Variants in PPP2R2C observed in about 807,000 individuals in gnomAD.
PPP2R2C encodes the protein protein phosphatase 2 regulatory subunit Bgamma.
Under a neutral mutation model 45.3 loss-of-function variants are expected in PPP2R2C, and 10 were observed. That is an observed-to-expected ratio of 0.22 (90% CI 0.14 to 0.37). The LOEUF is 0.37. PPP2R2C is among the 10% of genes least tolerant of loss of function. PPP2R2C has a pLI of 1.00. For missense variants in PPP2R2C, 308 were observed against 619.7 expected (o/e 0.50, Z 5.34); for synonymous variants, 257 against 245.4 (o/e 1.05, Z -0.44).
intron 1 of PPP2R2C, chr4:6,421,254 T>C (rs1038273449): frequency 1.0e-5 from 5 of 479,908 alleles, no homozygotes; most frequent in Non-Finnish European, 1.4e-5. Flanking sequence ...CATTCAATCA[T>C]GGTCGCACTG....
intron 1 of PPP2R2C, among the ~76,000 whole-genome samples, chr4:6,451,395 A>G (rs867242390): frequency 2.6e-5 from 4 of 152,316 alleles, no homozygotes; most frequent in East Asian, 1.9e-4. Context: ...ATGAGCCCCA[A>G]CAAAATCCAG....
intron 8 of PPP2R2C, among the ~76,000 whole-genome samples, chr4:6,325,460 C>T (rs1560439511): frequency 6.6e-6 from 1 of 152,180 alleles, no homozygotes; most frequent in Non-Finnish European, 1.5e-5. Context: ...GGAGGCCACA[C>T]CCTCCCCGCG....
chr4:6,352,722 G>T (rs1420115959), intron 5 of PPP2R2C, among the ~76,000 whole-genome samples: 2 of 152,196 alleles, frequency 1.3e-5, no homozygotes, highest in African/African-American at 4.8e-5. Flanking sequence ...ACTGAGCACA[G>T]ACTATTTTTC....
In PPP2R2C at chr4:6,332,731, G is replaced by A. The variant is rs1181652126; in HGVS notation, c.960+831C>T. Among the ~76,000 whole-genome samples, 1 of 152,164 alleles carries A rather than the reference G, an allele frequency of 6.6e-6. No homozygotes were observed. The highest frequency in any genetic ancestry group is 1.5e-5 in the Non-Finnish European group (1 of 68,034). On this transcript the variant is annotated intron_variant, in intron 7 of 8. Coordinates refer to ENST00000382599, the MANE Select transcript of PPP2R2C (RefSeq NM_020416.4). The surrounding 1 kb of genome is among the most constrained non-coding windows in gnomAD (Gnocchi z 4.9). ...GATGATGGCTCCTTGTCACCGGACA[G>A]TAAAGAATGGAGGTGACAGATGTCA...
intron 1 of PPP2R2C, among the ~76,000 whole-genome samples, chr4:6,399,531 G>A (rs1322720923): frequency 2.6e-5 from 4 of 152,202 alleles, no homozygotes; most frequent in East Asian, 1.9e-4. Context: ...GAAATGAGTC[G>A]TGCCAGGCAC....
rs889626892 is a variant in PPP2R2C, at chr4:6,327,253, G to C, written c.1052+2009C>G. Among the ~76,000 whole-genome samples the C allele has an allele frequency of 3.5e-4, 53 of 152,362 alleles. 1 individual carries two copies. The highest frequency in any genetic ancestry group is 1.3e-3 in the African/African-American group (52 of 41,596). ...CAAGGACAGAGGTTCCAGCCGGGCA[G>C]AGCAGAGCCAGCTGTGGAGCGAGAG... On this transcript the variant is annotated intron_variant, in intron 8 of 8. Coordinates refer to ENST00000382599, the MANE Select transcript of PPP2R2C (RefSeq NM_020416.4).
chr4:6,540,709 A>G (rs1724779926), intron 1 of PPP2R2C, among the ~76,000 whole-genome samples: 2 of 152,218 alleles, frequency 1.3e-5, no homozygotes, highest in Non-Finnish European at 2.9e-5. Flanking sequence ...TAAGGGCTCC[A>G]CACATGTGGT....
intron 2 of PPP2R2C, among the ~76,000 whole-genome samples, chr4:6,512,148 A>AGTG (rs1723607007): frequency 3.1e-4 from 2 of 6,470 alleles, no homozygotes; most frequent in Non-Finnish European, 5.6e-4. Context: ...TTATGGTGGT[A>AGTG]GTGGTGATGG....
At chr4:6,496,929 G>A (rs4234751) in intron 2 of PPP2R2C, among the ~76,000 whole-genome samples, 123,802 of 151,876 alleles carry the variant, frequency 0.82, 50,866 homozygotes, top group East Asian at 1. Flanking sequence ...GGAGTGTGAC[G>A]ATGCCATACG....
At chr4:6,333,505 G>A (rs899304370) in intron 7 of PPP2R2C, 57 bp downstream of exon 7, 3 of 1,576,046 alleles carry the variant, frequency 1.9e-6, no homozygotes, top group Non-Finnish European at 8.6e-7. Context: ...CCTCCATGGG[G>A]ATCTCAGCAT....
intron 2 of PPP2R2C, among the ~76,000 whole-genome samples, chr4:6,513,059 T>C (rs1723720612): frequency 6.6e-6 from 1 of 152,174 alleles, no homozygotes; most frequent in Non-Finnish European, 1.5e-5. Context: ...GTATATGGGC[T>C]TTTTAAAGAC....
At chr4:6,468,955 A>G (rs967557719) in intron 1 of PPP2R2C, among the ~76,000 whole-genome samples, 2 of 151,058 alleles carry the variant, frequency 1.3e-5, no homozygotes, top group Non-Finnish European at 2.9e-5. Flanking sequence ...CTCTCCCCAC[A>G]CCCTGACCCC....
chr4:6,401,247 G>A (rs1299908799), intron 1 of PPP2R2C, among the ~76,000 whole-genome samples: 2 of 152,038 alleles, frequency 1.3e-5, no homozygotes, highest in Non-Finnish European at 2.9e-5. Context: ...TCCATCTCCT[G>A]GATATGGTTA....
At chr4:6,483,164 C>T (rs932176449) in intron 2 of PPP2R2C, among the ~76,000 whole-genome samples, 19 of 142,010 alleles carry the variant, frequency 1.3e-4, no homozygotes, top group Non-Finnish European at 2.1e-4. Flanking sequence ...GATAGATAGA[C>T]GATAGATAGA....
At position 6,378,977 on chromosome 4, in the gene PPP2R2C, G is replaced by A. The variant is rs754194720; in HGVS notation, c.169-405C>T. Among the ~76,000 whole-genome samples the A allele has an allele frequency of 4.6e-5, 7 of 151,894 alleles. 1 individual carries two copies. The highest frequency in any genetic ancestry group is 2.6e-4 in the Admixed American group (4 of 15,244). ...AGAGGGGAAGTGACTTCCCAGAGCCGTGAGGTCACTCTCCGGCGAGCACCC... is the reference window on the plus strand; with the variant it reads ...AGAGGGGAAGTGACTTCCCAGAGCCATGAGGTCACTCTCCGGCGAGCACCC... On this transcript the variant is annotated intron_variant, in intron 2 of 8. Transcript: ENST00000382599. The surrounding 1 kb of genome is among the most constrained non-coding windows in gnomAD (Gnocchi z 5.2).
At chr4:6,373,338 C>T (rs1034112962) in intron 4 of PPP2R2C, among the ~76,000 whole-genome samples, 21 of 152,206 alleles carry the variant, frequency 1.4e-4, no homozygotes, top group Non-Finnish European at 1.5e-5. Flanking sequence ...CCCTGGACTG[C>T]TGGTGTTGTT....
intron 1 of PPP2R2C, among the ~76,000 whole-genome samples, chr4:6,431,264 C>T (rs999213656): frequency 6.6e-6 from 1 of 152,228 alleles, no homozygotes; most frequent in African/African-American, 2.4e-5. Flanking sequence ...TACCCCTGCC[C>T]TGGCCAATTT....
chr4:6,388,373 C>T (rs1463688100), intron 1 of PPP2R2C, among the ~76,000 whole-genome samples: 1 of 152,210 alleles, frequency 6.6e-6, no homozygotes, highest in African/African-American at 2.4e-5. Flanking sequence ...GTGGGTTGAA[C>T]TGCATCCCAC....
intron 6 of PPP2R2C, among the ~76,000 whole-genome samples, chr4:6,339,809 G>A (rs1733306909): frequency 1.3e-5 from 2 of 152,222 alleles, no homozygotes; most frequent in African/African-American, 4.8e-5. Context: ...GGTCCCTCCT[G>A]TGATCTGATG....
Sources: allele counts gnomAD v4.1 joint callset (sites outside exome capture counted in the v4.1 genomes callset), GRCh38; gene constraint gnomAD v4.1.1; non-coding constraint Gnocchi (gnomAD v3.1); transcripts MANE v1.5; gene names NCBI Gene and HGNC (gene_info 2026-07-23, HGNC 2026-07-21).